IGF1R: variants seen among roughly 807,000 people sequenced by gnomAD.
IGF1R encodes insulin like growth factor 1 receptor, also known as insulin-like growth factor 1 receptor.
IGF1R carries 44 observed loss-of-function variants against 144.6 expected under a neutral mutation model. That is an observed-to-expected ratio of 0.30 (90% CI 0.24 to 0.39). The LOEUF is 0.39. IGF1R is among the 10% of genes least tolerant of loss of function. The pLI is 1.00. For missense variants in IGF1R, 1,355 were observed against 1,833.7 expected, an observed-to-expected ratio of 0.74 and a Z score of 4.77; for synonymous variants, 795 against 722.8, an observed-to-expected ratio of 1.10 and a Z score of -1.60.
chr15:98,760,906 G>T (rs190817773), intron 2 of IGF1R, among the ~76,000 whole-genome samples: 1 of 152,270 alleles, frequency 6.6e-6, no homozygotes, highest in South Asian at 2.1e-4. Context: ...CTTCTTGGCC[G>T]TGTTGTTTGC....
intron 2 of IGF1R, among the ~76,000 whole-genome samples, chr15:98,754,157 G>A (rs933079355): frequency 2.6e-5 from 4 of 152,122 alleles, no homozygotes; most frequent in African/African-American, 7.2e-5. Context: ...AGGATCGGGA[G>A]GTAACCAGGT....
Position 98,959,155 on chromosome 15 carries a change from A to C in IGF1R, c.*1713A>C, listed in dbSNP as rs1228168445. ...CCACTCACCGTGGTTGAGAAGCCTC[A>C]CCCTCTCTTTCCCTTGCCTTTGCTT... On this transcript the variant is annotated 3_prime_UTR_variant, in exon 21 of 21. Transcript: ENST00000650285. 1 of 233,240 alleles carries C rather than the reference A, an allele frequency of 4.3e-6. No individual in the cohort carries two copies. The highest frequency in any genetic ancestry group is 6.0e-5 in the East Asian group (1 of 16,592). 14.4% of individuals were successfully genotyped at this position (233,240 alleles called of 1,614,324 possible).
chr15:98,877,513 T>TTCC (rs773470156), intron 2 of IGF1R, among the ~76,000 whole-genome samples: 20 of 111,436 alleles, frequency 1.8e-4, no homozygotes, highest in East Asian at 6.8e-4. Flanking sequence ...TTTTTTTTTT[T>TTCC]CCCCAAAAAA....
chr15:98,665,653 AT>A (rs1002429751), intron 1 of IGF1R, among the ~76,000 whole-genome samples: 2 of 152,200 alleles, frequency 1.3e-5, no homozygotes, highest in African/African-American at 4.8e-5. Flanking sequence ...GGTATTTTAA[AT>A]TGAATGTGGA....
At chr15:98,945,637 G>A (rs1430802739) in intron 19 of IGF1R, among the ~76,000 whole-genome samples, 1 of 152,218 alleles carries the variant, frequency 6.6e-6, no homozygotes, top group Admixed American at 6.5e-5. Context: ...CTGACTGGCT[G>A]TGTGGCCTTG....
intron 2 of IGF1R, among the ~76,000 whole-genome samples, chr15:98,839,047 G>A (rs1245169981): frequency 6.6e-6 from 1 of 152,230 alleles, no homozygotes. Context: ...AGCACTGTCA[G>A]CCAAAGCTGT....
At chr15:98,863,702 C>T (rs1264613259) in intron 2 of IGF1R, among the ~76,000 whole-genome samples, 1 of 152,124 alleles carries the variant, frequency 6.6e-6, no homozygotes, top group African/African-American at 2.4e-5. Flanking sequence ...GCCCTTTCTC[C>T]CTACAAAGGA....
intron 2 of IGF1R, among the ~76,000 whole-genome samples, chr15:98,803,798 G>A (rs1274073976): frequency 2.6e-5 from 4 of 152,094 alleles, no homozygotes; most frequent in Non-Finnish European, 5.9e-5. Context: ...GAGCCACGGC[G>A]CCTGGCCACA....
At chr15:98,918,832 T>C (rs1236738790) in intron 10 of IGF1R, among the ~76,000 whole-genome samples, 1 of 151,808 alleles carries the variant, frequency 6.6e-6, no homozygotes, top group Non-Finnish European at 1.5e-5. Context: ...TGAGCTGAGA[T>C]CGCACCGTTG....
intron 2 of IGF1R, among the ~76,000 whole-genome samples, chr15:98,744,030 A>T (rs1428846778): frequency 6.6e-6 from 1 of 152,102 alleles, no homozygotes; most frequent in Non-Finnish European, 1.5e-5. Context: ...ATTTTTGCAG[A>T]TACTGGGTTT....
In IGF1R at chr15:98,661,025, G is replaced by T. The variant is rs1213932435; in HGVS notation, c.94+11350G>T. 1.3e-5 allele frequency among the ~76,000 whole-genome samples: 2 copies of T among 152,296 alleles called. 1 individual carries two copies. Among genetic ancestry groups the T allele is most frequent in the East Asian group, 3.9e-4 (2 of 5,178 alleles). On this transcript the variant is annotated intron_variant, in intron 1 of 20. Transcript: ENST00000650285. ...CCTGCTGACCTTGAGTTACAGGGTG[G>T]ACCTAGGTCATTTCACAGGCCCTTC...
intron 1 of IGF1R, among the ~76,000 whole-genome samples, chr15:98,688,257 C>T (rs1029262801): frequency 6.6e-6 from 1 of 151,352 alleles, no homozygotes; most frequent in Non-Finnish European, 1.5e-5. Context: ...TCCCACCACC[C>T]CCTTCTCTCC....
Position 98,922,156 on chromosome 15 carries a change from G to T in IGF1R, c.2210G>T (p.Arg737Met). Residue 737 changes from arginine (R) to methionine (M), a missense_variant, in exon 11 of 21, where the codon AGG becomes ATG. Physicochemically the swap from Arg to Met is moderately conservative, Grantham distance 91. Coordinates refer to ENST00000650285, the MANE Select transcript of IGF1R (RefSeq NM_000875.5). Reference sequence around the variant, plus strand: ...TTCTCTCCTCCTTGCAGACCTGAAAGGAAGCGGAGAGATGTCATGCAAGTG... The same window carrying T: ...TTCTCTCCTCCTTGCAGACCTGAAATGAAGCGGAGAGATGTCATGCAAGTG... ...HNSIFVPRPE[R>M]KRRDVMQVAN... 2.5e-6 allele frequency: 4 copies of T among 1,614,180 alleles called. No individual in the cohort carries two copies. The highest frequency in any genetic ancestry group is 3.4e-6 in the Non-Finnish European group (4 of 1,180,024).
chr15:98,877,439 C>A (rs1302856131), intron 2 of IGF1R, among the ~76,000 whole-genome samples: 1 of 148,866 alleles, frequency 6.7e-6, no homozygotes, highest in Non-Finnish European at 1.5e-5. Context: ...AAATGAGATA[C>A]CTGTTTCTGC....
chr15:98,883,292 A>G (rs1261976973), intron 2 of IGF1R, among the ~76,000 whole-genome samples: 1 of 152,204 alleles, frequency 6.6e-6, no homozygotes, highest in Admixed American at 6.5e-5. Flanking sequence ...ATCTCTAGGC[A>G]GTGGCTCAGT....
At chr15:98,682,449 A>G (rs1596179889) in intron 1 of IGF1R, among the ~76,000 whole-genome samples, 2 of 152,192 alleles carry the variant, frequency 1.3e-5, no homozygotes, top group Non-Finnish European at 2.9e-5. Context: ...CTTTCTCTTT[A>G]AATACTGTAG....
chr15:98,664,336 T>C (rs2052674660), intron 1 of IGF1R, among the ~76,000 whole-genome samples: 2 of 152,152 alleles, frequency 1.3e-5, no homozygotes, highest in African/African-American at 4.8e-5. Context: ...TGACCCTCTC[T>C]GCTCTCCTTT....
chr15:98,701,236 T>C (rs1482025332), intron 1 of IGF1R, among the ~76,000 whole-genome samples: 1 of 152,130 alleles, frequency 6.6e-6, no homozygotes, highest in Admixed American at 6.6e-5. Flanking sequence ...TGCTTTACCT[T>C]CACAGTGTGC....
At chr15:98,673,655 G>A (rs2052956984) in intron 1 of IGF1R, among the ~76,000 whole-genome samples, 1 of 152,210 alleles carries the variant, frequency 6.6e-6, no homozygotes, top group African/African-American at 2.4e-5. Context: ...CACAGACACT[G>A]CTGGCCTCAC....
Sources: gnomAD v4.1 joint callset for allele counts (sites outside exome capture counted in the v4.1 genomes callset) on GRCh38, gnomAD v4.1.1 for gene constraint, MANE v1.5 for transcripts, NCBI Gene and HGNC (gene_info 2026-07-23, HGNC 2026-07-21) for gene names.